CBFA2T2: variants seen among roughly 807,000 people sequenced by gnomAD.
The protein encoded by CBFA2T2 is protein CBFA2T2.
CBFA2T2 carries 11 observed loss-of-function variants against 62.2 expected under a neutral mutation model. The ratio of observed to expected loss-of-function variants is 0.18; its 90% CI spans 0.11 to 0.29. The LOEUF is 0.29. Among genes scored for constraint, CBFA2T2 ranks in the 10% least tolerant of loss-of-function variants. The pLI is 1.00. For synonymous variants in CBFA2T2, 295 were observed against 287.5 expected (o/e 1.03, Z -0.27); for missense variants, 592 against 774.1 (o/e 0.76, Z 2.79).
At chr20:33,618,167 A>G (rs769727707) in intron 3 of CBFA2T2, among the ~76,000 whole-genome samples, 2 of 133,622 alleles carry the variant, frequency 1.5e-5, no homozygotes, top group Non-Finnish European at 3.2e-5. Flanking sequence ...AGATCTATAT[A>G]TTTTCCTTTT....
At chr20:33,545,250 T>G (rs953018727) in intron 1 of CBFA2T2, among the ~76,000 whole-genome samples, 1 of 152,206 alleles carries the variant, frequency 6.6e-6, no homozygotes, top group Non-Finnish European at 1.5e-5. Flanking sequence ...ATAGAAAAGC[T>G]GTGTGCCAGG....
chr20:33,648,628 G>C lies in CBFA2T2; in HGVS notation c.*3982G>C, dbSNP rs1452773906. 6.6e-6 allele frequency: 1 copy of C among 152,176 alleles called. No homozygotes were observed. Among genetic ancestry groups the C allele is most frequent in the Non-Finnish European group, 1.5e-5 (1 of 68,066 alleles). The allele number at this position is 152,176 out of a possible 1,614,324, so 9.4% of individuals were successfully genotyped here. On this transcript the variant is annotated 3_prime_UTR_variant, in exon 11 of 11. Coordinates refer to ENST00000342704, the MANE Select transcript of CBFA2T2 (RefSeq NM_001032999.3). ...CTCAGGCACGGTTGGGTGACCGTGG[G>C]GTCACCGATTGCGTAGATTATTTCT...
chr20:33,593,230 G>T (rs1380798333), intron 1 of CBFA2T2, among the ~76,000 whole-genome samples: 2 of 152,140 alleles, frequency 1.3e-5, no homozygotes, highest in East Asian at 3.9e-4. Context: ...TACTCAGGAG[G>T]CTGAGGCAGG....
At chr20:33,546,944 T>TA (rs1280670207) in intron 1 of CBFA2T2, among the ~76,000 whole-genome samples, 1 of 152,188 alleles carries the variant, frequency 6.6e-6, no homozygotes, top group Non-Finnish European at 1.5e-5. Flanking sequence ...CTCATGCCTG[T>TA]AATCCCAGCA....
chr20:33,507,849 C>T (rs1484810118), intron 1 of CBFA2T2, among the ~76,000 whole-genome samples: 1 of 151,996 alleles, frequency 6.6e-6, no homozygotes, highest in Non-Finnish European at 1.5e-5. Flanking sequence ...AAGGGGTTTG[C>T]CTGTTTGTGT....
chr20:33,563,350 G>A (rs2013160705), intron 1 of CBFA2T2, among the ~76,000 whole-genome samples: 1 of 152,058 alleles, frequency 6.6e-6, no homozygotes, highest in African/African-American at 2.4e-5. Context: ...AGTTTGTGAT[G>A]CCTATTTTAG....
chr20:33,583,236 A>G (rs1230340167), intron 1 of CBFA2T2, among the ~76,000 whole-genome samples: 1 of 152,236 alleles, frequency 6.6e-6, no homozygotes, highest in Non-Finnish European at 1.5e-5. Context: ...CCTTTGTACA[A>G]GAACACTATT....
At chr20:33,530,776 G>A (rs117024635) in intron 1 of CBFA2T2, among the ~76,000 whole-genome samples, 3 of 151,816 alleles carry the variant, frequency 2.0e-5, no homozygotes, top group East Asian at 3.9e-4. Context: ...AGTGCGGTGC[G>A]TGTTCCATGA....
At chr20:33,577,716 T>C (rs2146909936) in intron 1 of CBFA2T2, among the ~76,000 whole-genome samples, 1 of 152,360 alleles carries the variant, frequency 6.6e-6, no homozygotes, top group Admixed American at 6.5e-5. Flanking sequence ...GTATGGTCTC[T>C]GGAGCTCAGC....
At chr20:33,506,412 A>T (rs1286660806) in intron 1 of CBFA2T2, among the ~76,000 whole-genome samples, 2 of 152,150 alleles carry the variant, frequency 1.3e-5, no homozygotes, top group Non-Finnish European at 2.9e-5. Flanking sequence ...AATACATTGA[A>T]AAAAATTAAT....
intron 1 of CBFA2T2, among the ~76,000 whole-genome samples, chr20:33,538,549 A>C (rs1414151061): frequency 6.6e-6 from 1 of 151,928 alleles, no homozygotes; most frequent in Non-Finnish European, 1.5e-5. Flanking sequence ...TTGTATTTTT[A>C]GTAGAGACAA....
chr20:33,513,728 C>T (rs1305983845), intron 1 of CBFA2T2, among the ~76,000 whole-genome samples: 2 of 144,080 alleles, frequency 1.4e-5, no homozygotes, highest in African/African-American at 2.5e-5. Context: ...GCAGGAGAAT[C>T]GCTTGAACCC....
At chr20:33,555,654 AC>A (rs2012876434) in intron 1 of CBFA2T2, among the ~76,000 whole-genome samples, 1 of 152,194 alleles carries the variant, frequency 6.6e-6, no homozygotes, top group Non-Finnish European at 1.5e-5. Context: ...TTCTTACATA[AC>A]CACACATAAC....
intron 9 of CBFA2T2, chr20:33,639,686 TC>T (rs1306651213): frequency 1.3e-5 from 2 of 152,358 alleles, no homozygotes; most frequent in Non-Finnish European, 2.9e-5. Flanking sequence ...GCGCAGGAGT[TC>T]GAGACAAGCC....
intron 1 of CBFA2T2, among the ~76,000 whole-genome samples, chr20:33,563,182 A>G (rs772049624): frequency 6.6e-6 from 1 of 152,178 alleles, no homozygotes; most frequent in African/African-American, 2.4e-5. Flanking sequence ...ACAGTTTTTC[A>G]TTTACATTTT....
chr20:33,521,566 A>T (rs1037621933), intron 1 of CBFA2T2, among the ~76,000 whole-genome samples: 5 of 152,196 alleles, frequency 3.3e-5, no homozygotes, highest in Admixed American at 6.5e-5. Flanking sequence ...TCTACAGCTA[A>T]CATTGTTCTA....
In CBFA2T2 at chr20:33,649,786, AAT is replaced by A. The variant is rs1286590362; in HGVS notation, c.*5141_*5142del. The A allele has an allele frequency of 6.6e-6, 1 of 152,574 alleles. No individual in the cohort carries two copies. The highest frequency in any genetic ancestry group is 6.5e-5 in the Admixed American group (1 of 15,284). The allele number at this position is 152,574 out of a possible 1,614,324, so 9.5% of individuals were successfully genotyped here. ...GCTCCGCTCACAAAAGAAAGCCAAT[AAT>A]GTAAATAAATAGAAAACGAAGCCTC... On this transcript the variant is annotated 3_prime_UTR_variant, in exon 11 of 11. Coordinates refer to ENST00000342704, the MANE Select transcript of CBFA2T2 (RefSeq NM_001032999.3).
chr20:33,548,709 C>T (rs2012646887), intron 1 of CBFA2T2, among the ~76,000 whole-genome samples: 1 of 152,010 alleles, frequency 6.6e-6, no homozygotes, highest in African/African-American at 2.4e-5. Flanking sequence ...TCTGTAATCC[C>T]AGCACTTTGG....
At chr20:33,618,173 CTTT>C (rs58066954) in intron 3 of CBFA2T2, among the ~76,000 whole-genome samples, 4 of 138,328 alleles carry the variant, frequency 2.9e-5, no homozygotes, top group Admixed American at 7.2e-5. Flanking sequence ...ATATATTTTC[CTTT>C]TTTTTTTTTT....
Sources: allele counts gnomAD v4.1 joint callset (sites outside exome capture counted in the v4.1 genomes callset), GRCh38; gene constraint gnomAD v4.1.1; transcripts MANE v1.5; gene names NCBI Gene and HGNC (gene_info 2026-07-23, HGNC 2026-07-21).